Variants in SDCCAG8 observed in about 807,000 individuals in gnomAD.
SDCCAG8 encodes SHH signaling and ciliogenesis regulator SDCCAG8.
SDCCAG8 carries 74 observed loss-of-function variants against 101.8 expected under a neutral mutation model. The ratio of observed to expected loss-of-function variants is 0.73; its 90% CI spans 0.60 to 0.88. The LOEUF is 0.88. SDCCAG8 is among the 40% of genes least tolerant of loss of function. The pLI is 0.00. For synonymous variants in SDCCAG8, 281 were observed against 292.9 expected, an observed-to-expected ratio of 0.96 and a Z score of 0.41; for missense variants, 787 against 822.6, an observed-to-expected ratio of 0.96 and a Z score of 0.53.
At chr1:243,325,182 T>A (rs960129126) in intron 9 of SDCCAG8, among the ~76,000 whole-genome samples, 6 of 152,240 alleles carry the variant, frequency 3.9e-5, no homozygotes, top group African/African-American at 9.6e-5. Context: ...AATAAATGTT[T>A]GTTCAGTGGA....
chr1:243,348,421 C>T (rs996631748), intron 12 of SDCCAG8, among the ~76,000 whole-genome samples: 1 of 151,866 alleles, frequency 6.6e-6, no homozygotes, highest in Admixed American at 6.6e-5. Context: ...TCAATCCTCT[C>T]TAAACACACA....
intron 13 of SDCCAG8, among the ~76,000 whole-genome samples, chr1:243,390,582 C>T (rs2078641376): frequency 1.3e-5 from 2 of 152,162 alleles, no homozygotes; most frequent in Non-Finnish European, 1.5e-5. Flanking sequence ...CTGGCTCGCT[C>T]CTCTCAGTTC....
chr1:243,330,018 T>C (rs2074473248), intron 9 of SDCCAG8, among the ~76,000 whole-genome samples: 1 of 152,206 alleles, frequency 6.6e-6, no homozygotes, highest in Non-Finnish European at 1.5e-5. Context: ...AATTTTCTCT[T>C]AGTTATATTT....
intron 6 of SDCCAG8, among the ~76,000 whole-genome samples, chr1:243,302,799 T>C (rs2071661827): frequency 6.6e-6 from 1 of 152,160 alleles, no homozygotes. Context: ...TTAAGGCTTA[T>C]TACATATGGG....
chr1:243,286,205 C>T (rs1325690343), intron 4 of SDCCAG8, 67 bp from the exon 5 acceptor site: 2 of 1,477,274 alleles, frequency 1.4e-6, no homozygotes, highest in Middle Eastern at 1.8e-4. Context: ...ATGCTGTGCC[C>T]TCTAATAATC....
intron 6 of SDCCAG8, among the ~76,000 whole-genome samples, chr1:243,302,993 T>G (rs2149312348): frequency 6.6e-6 from 1 of 152,348 alleles, no homozygotes. Context: ...GGTGCATGAC[T>G]TTATAAGATT....
chr1:243,499,331 A>T (rs1668914405), intron 17 of SDCCAG8, among the ~76,000 whole-genome samples: 1 of 152,064 alleles, frequency 6.6e-6, no homozygotes, highest in South Asian at 2.1e-4. Flanking sequence ...TTTCACGAGG[A>T]ATTTCTTAGG....
chr1:243,264,405 G>A (rs1051979161), intron 1 of SDCCAG8, among the ~76,000 whole-genome samples: 2 of 152,110 alleles, frequency 1.3e-5, no homozygotes, highest in Non-Finnish European at 2.9e-5. Flanking sequence ...ACCTGAGGTC[G>A]AGGGTTTGAG....
At chr1:243,316,456 C>T (rs964409508) in intron 8 of SDCCAG8, among the ~76,000 whole-genome samples, 1 of 152,170 alleles carries the variant, frequency 6.6e-6, no homozygotes, top group Non-Finnish European at 1.5e-5. Flanking sequence ...CACCTCCCCC[C>T]ACTTTTAAAA....
At chr1:243,294,482 G>GGAGAGAGAGAGAGAGAAAGAGAGA (rs1558248017) in intron 6 of SDCCAG8, among the ~76,000 whole-genome samples, 3 of 99,976 alleles carry the variant, frequency 3.0e-5, no homozygotes, top group Admixed American at 9.6e-5. Flanking sequence ...GTGGGGGGGG[G>GGAGAGAGAGAGAGAGAAAGAGAGA]GAGAGAGAGA....
chr1:243,351,459 T>TC (rs2076078529), intron 12 of SDCCAG8, among the ~76,000 whole-genome samples: 1 of 152,180 alleles, frequency 6.6e-6, no homozygotes, highest in South Asian at 2.1e-4. Context: ...AAGCAGCATA[T>TC]CGACAAGTGC....
intron 16 of SDCCAG8, among the ~76,000 whole-genome samples, chr1:243,461,058 C>A (rs1305974083): frequency 6.6e-6 from 1 of 152,200 alleles, no homozygotes; most frequent in African/African-American, 2.4e-5. Context: ...TACCTTGATA[C>A]ATAATGAAGC....
At chr1:243,438,111 G>T (rs1367837927) in intron 16 of SDCCAG8, among the ~76,000 whole-genome samples, 3 of 152,164 alleles carry the variant, frequency 2.0e-5, no homozygotes, top group Non-Finnish European at 4.4e-5. Flanking sequence ...GCCCCACCTC[G>T]GAGGGGGAAG....
chr1:243,286,222 T>G, intron 4 of SDCCAG8, 50 bp from the exon 5 acceptor site: 1 of 1,590,048 alleles, frequency 6.3e-7, no homozygotes, highest in Non-Finnish European at 8.6e-7. Context: ...AATCAACAAA[T>G]AAAAACACTG....
chr1:243,333,513 C>G (rs1257046150), intron 10 of SDCCAG8, among the ~76,000 whole-genome samples: 1 of 152,196 alleles, frequency 6.6e-6, no homozygotes, highest in Non-Finnish European at 1.5e-5. Context: ...TTCCATCTCC[C>G]TCTTTGACTC....
chr1:243,449,173 C>G (rs2083167710), intron 16 of SDCCAG8, among the ~76,000 whole-genome samples: 1 of 152,158 alleles, frequency 6.6e-6, no homozygotes, highest in Non-Finnish European at 1.5e-5. Flanking sequence ...TCTACTTAGG[C>G]TATTTAACAA....
At chr1:243,487,146 G>A (rs1054746249) in intron 16 of SDCCAG8, among the ~76,000 whole-genome samples, 6 of 152,236 alleles carry the variant, frequency 3.9e-5, no homozygotes, top group Admixed American at 6.5e-5. Context: ...CAGCAGGGCA[G>A]GTGCTCAGAT....
chr1:243,291,497 C>G (rs1301993574), intron 5 of SDCCAG8, among the ~76,000 whole-genome samples: 5 of 152,162 alleles, frequency 3.3e-5, no homozygotes, highest in Non-Finnish European at 7.3e-5. Flanking sequence ...TGTGGTTTGT[C>G]ACAGAGCCTA....
rs780984764 is a variant in SDCCAG8 at position 243,489,050 on chromosome 1, C to T, written c.2022C>T (p.Ala674=). 2 of 1,613,436 alleles carry T rather than the reference C, an allele frequency of 1.2e-6. No homozygotes were observed. Among genetic ancestry groups the T allele is most frequent in the South Asian group, 2.2e-5 (2 of 91,072 alleles). ...TGGATAAGCACAGCCAGGCCACAGC[C>T]CAGCAGCTGGTGCAGCTCCTCAGCA... is the stretch of plus-strand genomic sequence containing the variant. ...RQLDKHSQAT[A]QQLVQLLSKQ... Residue 674 remains alanine, a synonymous_variant, in exon 17 of 18, where the codon GCC becomes GCT. Coordinates refer to ENST00000366541, the MANE Select transcript of SDCCAG8 (RefSeq NM_006642.5).
Sources: allele counts gnomAD v4.1 joint callset (sites outside exome capture counted in the v4.1 genomes callset), GRCh38; gene constraint gnomAD v4.1.1; transcripts MANE v1.5; gene names NCBI Gene and HGNC (gene_info 2026-07-23, HGNC 2026-07-21).